Variants in CALCR observed in about 807,000 individuals in gnomAD.
The protein encoded by CALCR is calcitonin receptor.
Under a neutral mutation model 59.5 loss-of-function variants are expected in CALCR, and 47 were observed. That is an observed-to-expected ratio of 0.79 (90% CI 0.63 to 1.01). The LOEUF is 1.01. CALCR is among the 50% of genes least tolerant of loss of function. The pLI, the probability that CALCR is intolerant of heterozygous loss-of-function variation, is 0.00. For synonymous variants in CALCR, 213 were observed against 211.3 expected (o/e 1.01, Z -0.07); for missense variants, 566 against 597.1 (o/e 0.95, Z 0.54).
chr7:93,528,288 T>C (rs1165533801), intron 2 of CALCR, among the ~76,000 whole-genome samples: 3 of 152,228 alleles, frequency 2.0e-5, no homozygotes, highest in Non-Finnish European at 4.4e-5. Context: ...TTAAAATTTT[T>C]TTATTATACT....
intron 2 of CALCR, among the ~76,000 whole-genome samples, chr7:93,506,482 A>G (rs1383683169): frequency 2.0e-5 from 3 of 152,248 alleles, no homozygotes; most frequent in African/African-American, 7.2e-5. Context: ...TATTTCCTTA[A>G]TGTCCTTCAA....
rs3835011 is a variant in CALCR, at chr7:93,468,823, T to TAAACAAACAAACAAAC, written c.430-18_430-17insGTTTGTTTGTTTGTTT. ...ATATGCATTCTGGAACAACAAAAAG[T>TAAACAAACAAACAAAC]AAACAAACAAACAATGAATGAATGA... On this transcript the variant is annotated splice_polypyrimidine_tract_variant and intron_variant, in intron 6 of 13. Transcript: ENST00000426151. 1.4e-4 allele frequency: 166 copies of TAAACAAACAAACAAAC among 1,209,214 alleles called. No homozygotes were observed. The highest frequency in any genetic ancestry group is 2.5e-4 in the East Asian group (10 of 40,628). 74.9% of individuals were successfully genotyped at this position (1,209,214 alleles called of 1,614,324 possible).
rs772347401 is a variant in CALCR at position 93,468,774 on chromosome 7, C to G, written c.462G>C (p.Val154=). The change falls in exon 7 of 14, where the codon GTG becomes GTC. Residue 154 remains valine, a synonymous_variant. Coordinates refer to ENST00000426151, the MANE Select transcript of CALCR (RefSeq NM_001742.4). ...GGGTGAAAATTGACAAAGAATGACC[C>G]ACAATAGCCAAATAGTACAGAACAT... is the stretch of plus-strand genomic sequence containing the variant. The part of the protein sequence containing the change: ...NAYVLYYLAI[V]GHSLSIFTLV... 1 of 1,610,480 alleles carries G rather than the reference C, an allele frequency of 6.2e-7. No homozygotes were observed. The highest frequency in any genetic ancestry group is 1.1e-5 in the South Asian group (1 of 90,878).
Position 93,427,921 on chromosome 7 carries a change from A to T in CALCR, c.1192-1332T>A, listed in dbSNP as rs1050402065. Among the ~76,000 whole-genome samples, 5 of 152,210 alleles carry T rather than the reference A, an allele frequency of 3.3e-5. 1 individual carries two copies. In the South Asian group the frequency reaches 8.3e-4, roughly 25 times the overall value. On this transcript the variant is annotated intron_variant, in intron 13 of 13. Transcript: ENST00000426151. ...CACAGCAACCGTAAGGTTCGAGGTG[A>T]CAAATGGCAATCAGAATTATTTAGC...
At chr7:93,536,130 T>C (rs1788977307) in intron 2 of CALCR, among the ~76,000 whole-genome samples, 1 of 151,824 alleles carries the variant, frequency 6.6e-6, no homozygotes, top group Non-Finnish European at 1.5e-5. Flanking sequence ...GTCCAGTTCT[T>C]TCCTGCTTCC....
At chr7:93,441,300 G>T (rs772909123) in intron 9 of CALCR, among the ~76,000 whole-genome samples, 27 of 152,032 alleles carry the variant, frequency 1.8e-4, no homozygotes, top group Non-Finnish European at 3.8e-4. Flanking sequence ...AAATAAATCT[G>T]GCAGAAAGTA....
chr7:93,496,041 G>A lies in CALCR; in HGVS notation c.-26-9034C>T. ...GATTGAACAGAATGTCTTCATGTAA[G>A]GGGAACAAATTTACTTGAAAAGCAA... On this transcript the variant is annotated intron_variant, in intron 2 of 13. Transcript: ENST00000426151. 9 of 831,834 alleles carry A rather than the reference G, an allele frequency of 1.1e-5. No individual in the cohort carries two copies. In the South Asian group the frequency reaches 1.7e-4, roughly 15 times the overall value. The allele number at this position is 831,834 out of a possible 1,614,324, so 51.5% of individuals were successfully genotyped here. A position where few individuals can be genotyped will look rare whatever the true frequency, so the allele number is the denominator to read the frequency against.
At chr7:93,496,705 G>C (rs1379759623) in intron 2 of CALCR, among the ~76,000 whole-genome samples, 2 of 151,582 alleles carry the variant, frequency 1.3e-5, no homozygotes, top group African/African-American at 4.8e-5. Context: ...GCAAAGAGTA[G>C]TGAAAAGGAA....
intron 2 of CALCR, among the ~76,000 whole-genome samples, chr7:93,523,649 C>T (rs1395985817): frequency 2.0e-5 from 3 of 152,044 alleles, no homozygotes; most frequent in African/African-American, 7.2e-5. Flanking sequence ...TCTTATTATC[C>T]TATGAATAAA....
intron 13 of CALCR, among the ~76,000 whole-genome samples, chr7:93,433,211 T>G (rs957453212): frequency 6.6e-6 from 1 of 152,206 alleles, no homozygotes; most frequent in African/African-American, 2.4e-5. Flanking sequence ...AGTAAAAAGA[T>G]AGAGAATAAA....
At chr7:93,450,813 A>T (rs1277919929) in intron 8 of CALCR, among the ~76,000 whole-genome samples, 2 of 151,942 alleles carry the variant, frequency 1.3e-5, no homozygotes, top group Non-Finnish European at 2.9e-5. Flanking sequence ...TTTTTAATCA[A>T]TTTCAGATAA....
intron 2 of CALCR, among the ~76,000 whole-genome samples, chr7:93,519,928 G>A (rs1801726073): frequency 6.6e-6 from 1 of 151,964 alleles, no homozygotes; most frequent in Non-Finnish European, 1.5e-5. Flanking sequence ...GGAATGGTGA[G>A]TCAATTAAAC....
intron 2 of CALCR, among the ~76,000 whole-genome samples, chr7:93,504,891 G>A (rs1030316379): frequency 2.2e-4 from 34 of 152,226 alleles, no homozygotes; most frequent in African/African-American, 8.2e-4. Flanking sequence ...ACTTATGCAA[G>A]AATCTTAGGG....
chr7:93,541,681 A>C (rs578000069), intron 2 of CALCR, among the ~76,000 whole-genome samples: 92 of 152,194 alleles, frequency 6.0e-4, no homozygotes, highest in Non-Finnish European at 2.2e-4. Flanking sequence ...TTATGTGCTA[A>C]CGTACAAAGA....
chr7:93,482,735 G>A (rs755768364), intron 3 of CALCR: 2 of 531,656 alleles, frequency 3.8e-6, no homozygotes, highest in Non-Finnish European at 7.7e-6. Flanking sequence ...TATACGAGTA[G>A]TTATAATTCA....
At chr7:93,534,490 TC>T (rs35112409) in intron 2 of CALCR, among the ~76,000 whole-genome samples, 13,355 of 151,804 alleles carry the variant, frequency 0.088, 830 homozygotes, top group South Asian at 0.18. Context: ...AAAATAATTG[TC>T]ATGCTTTTGA....
chr7:93,439,680 G>A (rs1232571350), intron 9 of CALCR, among the ~76,000 whole-genome samples: 2 of 151,858 alleles, frequency 1.3e-5, no homozygotes, highest in African/African-American at 4.8e-5. Flanking sequence ...AAGATGATGA[G>A]ATTCAGAATA....
At chr7:93,482,889 T>C (rs755727866) in intron 3 of CALCR, 21 of 531,584 alleles carry the variant, frequency 4.0e-5, no homozygotes, top group Admixed American at 2.2e-4. Context: ...TGAGCAGTAA[T>C]AATCTGCATC....
At chr7:93,490,730 C>A (rs1240287810) in intron 2 of CALCR, among the ~76,000 whole-genome samples, 1 of 151,898 alleles carries the variant, frequency 6.6e-6, no homozygotes. Flanking sequence ...AGGAGAACTA[C>A]AAATCACTGC....
Sources: gnomAD v4.1 joint callset for allele counts (sites outside exome capture counted in the v4.1 genomes callset) on GRCh38, gnomAD v4.1.1 for gene constraint, MANE v1.5 for transcripts, NCBI Gene and HGNC (gene_info 2026-07-23, HGNC 2026-07-21) for gene names.